PDXDC1: variants seen among roughly 807,000 people sequenced by gnomAD.
PDXDC1 encodes the protein pyridoxal-dependent decarboxylase domain-containing protein 1.
Under a neutral mutation model 100.1 loss-of-function variants are expected in PDXDC1, and 42 were observed. The observed-to-expected ratio is 0.42, with a 90% CI of 0.33 to 0.54. The LOEUF (loss-of-function observed/expected upper bound fraction) is 0.54. PDXDC1 is among the 20% of genes least tolerant of loss of function. The pLI, the probability that PDXDC1 is intolerant of heterozygous loss-of-function variation, is 0.10. For synonymous variants in PDXDC1, 260 were observed against 371.7 expected (o/e 0.70, Z 3.46); for missense variants, 636 against 979.2 (o/e 0.65, Z 4.68).
At chr16:15,035,677 C>T in intron 22 of PDXDC1, 124 bp downstream of exon 22, 2 of 607,664 alleles carry the variant, frequency 3.3e-6, no homozygotes. Context: ...ACTACCATCT[C>T]TTTAACCATC....
At chr16:14,984,714 C>G (rs1450746255) in intron 1 of PDXDC1, among the ~76,000 whole-genome samples, 1 of 152,012 alleles carries the variant, frequency 6.6e-6, no homozygotes, top group Non-Finnish European at 1.5e-5. Flanking sequence ...ACAGGCTGGT[C>G]TCAAACTCCT....
At chr16:15,062,004 G>A (rs1200255823) in intron 16 of PDXDC1, 12 of 1,193,170 alleles carry the variant, frequency 1.0e-5, no homozygotes, top group African/African-American at 1.5e-5. Flanking sequence ...TGTAAAGATG[G>A]TGAAGAAAAT....
chr16:15,039,790 T>C (rs1216639253), downstream of PDXDC1, among the ~76,000 whole-genome samples: 1 of 152,180 alleles, frequency 6.6e-6, no homozygotes, highest in Non-Finnish European at 1.5e-5. Flanking sequence ...CTAAAGATGT[T>C]CATTACTATT....
chr16:15,068,701 T>C (rs531929497), intron 16 of PDXDC1, among the ~76,000 whole-genome samples: 118 of 152,346 alleles, frequency 7.7e-4, no homozygotes, highest in Non-Finnish European at 1.4e-3. Flanking sequence ...GAGTGCTGTT[T>C]TCAGGTGCAC....
At chr16:15,047,499 T>C in intron 16 of PDXDC1, 1 of 1,614,100 alleles carries the variant, frequency 6.2e-7, no homozygotes, top group Non-Finnish European at 8.5e-7. Flanking sequence ...CAAGGGGACC[T>C]CAGCTTTGGT....
chr16:15,058,332 T>C (rs896315040), intron 16 of PDXDC1, among the ~76,000 whole-genome samples: 1 of 151,806 alleles, frequency 6.6e-6, no homozygotes, highest in African/African-American at 2.4e-5. Flanking sequence ...CTAATTACAA[T>C]GTTGGAAAGC....
intron 6 of PDXDC1, among the ~76,000 whole-genome samples, chr16:15,007,411 T>C (rs1308139737): frequency 1.3e-5 from 2 of 152,202 alleles, no homozygotes; most frequent in African/African-American, 4.8e-5. Context: ...CCTGGCCTCG[T>C]GATCTGCCCA....
rs1356016739 is a variant in PDXDC1 at position 15,132,877 on chromosome 16, G to A, written c.1400-6002G>A. The A allele has an allele frequency of 1.1e-5, 18 of 1,591,736 alleles. No homozygotes were observed. In the Admixed American group the frequency reaches 2.3e-4, roughly 21 times the overall value. On this transcript the variant is annotated intron_variant, in intron 16 of 16. Transcript: ENST00000535621. ...CCACGTCCAGGGCCCGCTCGTACTG[G>A]GGCAGGCAGGCGGCACAGCAAGCTG...
At chr16:15,071,576 T>C (rs952996927) in intron 16 of PDXDC1, among the ~76,000 whole-genome samples, 2 of 152,192 alleles carry the variant, frequency 1.3e-5, no homozygotes, top group African/African-American at 4.8e-5. Flanking sequence ...GAGACCAGCC[T>C]GGCCAACATG....
chr16:14,979,227 C>T (rs1303633088), intron 1 of PDXDC1, among the ~76,000 whole-genome samples: 1 of 152,288 alleles, frequency 6.6e-6, no homozygotes, highest in Non-Finnish European at 1.5e-5. Context: ...CTACACTGGG[C>T]AGCACAGATG....
intron 16 of PDXDC1, among the ~76,000 whole-genome samples, chr16:15,073,663 G>T (rs146010070): frequency 6.6e-6 from 1 of 152,214 alleles, no homozygotes; most frequent in African/African-American, 2.4e-5. Flanking sequence ...CCTCTAATCC[G>T]ATCATTTTAC....
chr16:14,976,843 T>A (rs1173611298), intron 1 of PDXDC1: 1 of 152,448 alleles, frequency 6.6e-6, no homozygotes, highest in Non-Finnish European at 1.5e-5. Flanking sequence ...CAAGATCATG[T>A]TTATAACACC....
At chr16:15,131,493 G>A (rs1374584324) in intron 16 of PDXDC1, 2 of 1,607,238 alleles carry the variant, frequency 1.2e-6, no homozygotes, top group South Asian at 2.2e-5. Context: ...AGCACAGCAG[G>A]CTCCGCGGGT....
In PDXDC1 at chr16:15,023,700, A is replaced by G. The variant is rs1448874042; in HGVS notation, c.1140+946A>G. Among the ~76,000 whole-genome samples, 3 of 152,364 alleles carry G rather than the reference A, an allele frequency of 2.0e-5. No individual in the cohort carries two copies. In the East Asian group the frequency reaches 5.8e-4, roughly 30 times the overall value. Reference sequence around the variant, plus strand: ...TGGTTTGGTTGAAGGGGGTGTGGCTACTCTGCCTTCTGAGTGGGAGTCTGG... The same window carrying G: ...TGGTTTGGTTGAAGGGGGTGTGGCTGCTCTGCCTTCTGAGTGGGAGTCTGG... On this transcript the variant is annotated intron_variant, in intron 13 of 22. Coordinates refer to ENST00000396410, the MANE Select transcript of PDXDC1 (RefSeq NM_015027.4).
chr16:14,976,308 A>C (rs1322211027), intron 1 of PDXDC1, among the ~76,000 whole-genome samples: 2 of 152,272 alleles, frequency 1.3e-5, no homozygotes, highest in African/African-American at 2.4e-5. Flanking sequence ...TTGAGCTGGT[A>C]GGAATAATAT....
downstream of PDXDC1, among the ~76,000 whole-genome samples, chr16:15,143,694 G>A (rs2151935483): frequency 6.6e-6 from 1 of 152,352 alleles, no homozygotes; most frequent in African/African-American, 2.4e-5. Flanking sequence ...GCGTGCAACA[G>A]TGGGACTGAG....
chr16:15,096,690 T>C (rs1449269097), intron 16 of PDXDC1, among the ~76,000 whole-genome samples: 1 of 152,278 alleles, frequency 6.6e-6, no homozygotes, highest in Non-Finnish European at 1.5e-5. Context: ...TGTTTTGTTT[T>C]GTTTTGGTTT....
rs866522588 is a variant in PDXDC1 at position 15,029,543 on chromosome 16, G to A, written c.1294-408G>A. 22 of 359,848 alleles carry A rather than the reference G, an allele frequency of 6.1e-5. No homozygotes were observed. The Middle Eastern group carries it at 2.3e-3, about 37-fold the overall frequency. 22.3% of individuals were successfully genotyped at this position (359,848 alleles called of 1,614,324 possible). A position where few individuals can be genotyped will look rare whatever the true frequency, so the allele number is the denominator to read the frequency against. On this transcript the variant is annotated intron_variant, in intron 15 of 22. Transcript: ENST00000396410. ...CAGAGCTGAGTGTCTCAAGCAGAAA[G>A]GAACTGGTCATAAACGAAATGAATC...
downstream of PDXDC1, among the ~76,000 whole-genome samples, chr16:15,143,931 C>G (rs2048513620): frequency 6.6e-6 from 1 of 152,194 alleles, no homozygotes; most frequent in African/African-American, 2.4e-5. Context: ...TGTGCCAGGC[C>G]CGGCACCCCT....
Sources: allele counts gnomAD v4.1 joint callset (sites outside exome capture counted in the v4.1 genomes callset), GRCh38; gene constraint gnomAD v4.1.1; transcripts MANE v1.5; gene names NCBI Gene and HGNC (gene_info 2026-07-23, HGNC 2026-07-21).